Variants in DPP10 observed in about 807,000 individuals in gnomAD.
The protein encoded by DPP10 is inactive dipeptidyl peptidase 10.
DPP10 carries 33 observed loss-of-function variants against 120.9 expected under a neutral mutation model. The ratio of observed to expected loss-of-function variants is 0.27; its 90% confidence interval spans 0.21 to 0.37. The LOEUF (loss-of-function observed/expected upper bound fraction) is 0.37, where lower values mean the gene tolerates loss of function less well. Among genes scored for constraint, DPP10 ranks in the 10% least tolerant of loss-of-function variants. The pLI, the probability that DPP10 is intolerant of heterozygous loss-of-function variation, is 1.00. For missense variants in DPP10, 816 were observed against 942.8 expected (o/e 0.87, Z 1.76); for synonymous variants, 337 against 326.1 (o/e 1.03, Z -0.36).
At position 114,477,463 on chromosome 2, in the gene DPP10, A is replaced by G. The variant is rs568359026; in HGVS notation, c.60+34625A>G. ...TGAAATACTGCATATATATTTATGC[A>G]CACATATACACATACATACACATAT... On this transcript the variant is annotated intron_variant, in intron 1 of 25. Coordinates refer to ENST00000410059, the MANE Select transcript of DPP10 (RefSeq NM_020868.6). Among the ~76,000 whole-genome samples the G allele has an allele frequency of 2.0e-5, 3 of 151,732 alleles. No individual in the cohort carries two copies. The South Asian group carries it at 6.2e-4, about 32-fold the overall frequency.
chr2:115,730,465 G>A (rs773627458), intron 8 of DPP10, among the ~76,000 whole-genome samples: 5 of 152,118 alleles, frequency 3.3e-5, no homozygotes, highest in African/African-American at 4.8e-5. Flanking sequence ...ATTGAACCAC[G>A]TACTGACGTG....
At chr2:115,316,485 G>A (rs2061798763) in intron 2 of DPP10, among the ~76,000 whole-genome samples, 2 of 152,134 alleles carry the variant, frequency 1.3e-5, no homozygotes, top group South Asian at 2.1e-4. Context: ...GAATTCAGCT[G>A]AGGATTGAGG....
intron 1 of DPP10, among the ~76,000 whole-genome samples, chr2:114,624,557 A>G (rs1197760519): frequency 6.6e-6 from 1 of 151,878 alleles, no homozygotes; most frequent in African/African-American, 2.4e-5. Flanking sequence ...ATAAATAATA[A>G]TACTTAATTT....
intron 3 of DPP10, among the ~76,000 whole-genome samples, chr2:115,476,451 A>G (rs2075087826): frequency 6.6e-6 from 1 of 152,168 alleles, no homozygotes. Flanking sequence ...TTCTTTACAA[A>G]TCATCCAGTC....
intron 1 of DPP10, among the ~76,000 whole-genome samples, chr2:114,503,614 C>T (rs893497317): frequency 3.9e-5 from 6 of 152,242 alleles, no homozygotes; most frequent in African/African-American, 1.4e-4. Flanking sequence ...CTCACGGTCC[C>T]AAACAATATG....
At chr2:114,781,721 A>G (rs1447828533) in intron 1 of DPP10, among the ~76,000 whole-genome samples, 3 of 152,026 alleles carry the variant, frequency 2.0e-5, no homozygotes, top group African/African-American at 7.2e-5. Context: ...GAGAAAGACA[A>G]TGATCTTTTT....
chr2:114,698,404 G>C (rs192475062), intron 1 of DPP10, among the ~76,000 whole-genome samples: 4 of 152,072 alleles, frequency 2.6e-5, no homozygotes, highest in African/African-American at 9.7e-5. Context: ...CCTCATGAGA[G>C]ACCACGAGCC....
chr2:114,924,263 C>A (rs573772075), intron 1 of DPP10, among the ~76,000 whole-genome samples: 1 of 152,128 alleles, frequency 6.6e-6, no homozygotes, highest in Admixed American at 6.5e-5. Flanking sequence ...GTCTTGCTCA[C>A]GCCTGTAATC....
intron 1 of DPP10, among the ~76,000 whole-genome samples, chr2:115,102,779 C>G (rs1057432762): frequency 6.7e-6 from 1 of 150,366 alleles, no homozygotes; most frequent in African/African-American, 2.4e-5. Context: ...AAAAAAAACT[C>G]CTTTTTGCAG....
chr2:115,544,811 G>A (rs1461686438), intron 5 of DPP10, among the ~76,000 whole-genome samples: 2 of 152,006 alleles, frequency 1.3e-5, no homozygotes, highest in Non-Finnish European at 2.9e-5. Flanking sequence ...TGGTGGTGGT[G>A]AATTGATTTC....
At chr2:114,795,496 G>GAA (rs397765411) in intron 1 of DPP10, among the ~76,000 whole-genome samples, 1 of 138,914 alleles carries the variant, frequency 7.2e-6, no homozygotes, top group Non-Finnish European at 1.6e-5. Context: ...CATCTCTGGG[G>GAA]AAAAAAAAAA....
At chr2:115,577,667 G>T (rs1343626496) in intron 5 of DPP10, among the ~76,000 whole-genome samples, 2 of 152,054 alleles carry the variant, frequency 1.3e-5, no homozygotes, top group African/African-American at 2.4e-5. Flanking sequence ...TGCCCACAGG[G>T]TTGGTGTCTT....
At chr2:114,968,004 C>T (rs1699154671) in intron 1 of DPP10, among the ~76,000 whole-genome samples, 1 of 151,972 alleles carries the variant, frequency 6.6e-6, no homozygotes, top group South Asian at 2.1e-4. Context: ...AAAATCTCTG[C>T]TCTTACTGCA....
In DPP10 at chr2:114,977,617, C is replaced by G. The variant is rs538906856; in HGVS notation, c.61-331622C>G. The stretch of plus-strand genomic sequence containing the variant: ...AGTCAGCAACCTCCCACACCTGTCC[C>G]CCACCTCAAGAAAGCAATCACTCTG... On this transcript the variant is annotated intron_variant, in intron 1 of 25. Transcript: ENST00000410059. 4.6e-5 allele frequency among the ~76,000 whole-genome samples: 7 copies of G among 152,178 alleles called. No homozygotes were observed. The South Asian group carries it at 1.5e-3, about 32-fold the overall frequency.
rs70941038 is a variant in DPP10 at position 115,277,447 on chromosome 2, C to CTTTTTTTT, written c.61-31768_61-31761dup. Among the ~76,000 whole-genome samples the CTTTTTTTT allele has an allele frequency of 2.6e-4, 13 of 49,776 alleles. No individual in the cohort carries two copies. The South Asian group carries it at 5.9e-3, about 22-fold the overall frequency. 32.7% of individuals were successfully genotyped at this position (49,776 alleles called of 152,430 possible). On this transcript the variant is annotated intron_variant, in intron 1 of 25. Coordinates refer to ENST00000410059, the MANE Select transcript of DPP10 (RefSeq NM_020868.6). Reference sequence around the variant, plus strand: ...AATTATACTTAAGTCCTGCCAGGGCCTTTTTTTTTTTTTTTTTTTTTTTTT... The same window carrying CTTTTTTTT: ...AATTATACTTAAGTCCTGCCAGGGCCTTTTTTTTTTTTTTTTTTTTTTTTTTTTTTTTT...
intron 3 of DPP10, among the ~76,000 whole-genome samples, chr2:115,483,578 C>T (rs1234359700): frequency 6.6e-6 from 1 of 151,998 alleles, no homozygotes; most frequent in Non-Finnish European, 1.5e-5. Flanking sequence ...TCAAATTGCC[C>T]ATGATGTTAG....
intron 17 of DPP10, among the ~76,000 whole-genome samples, chr2:115,788,941 AC>A (rs1470971975): frequency 6.6e-6 from 1 of 152,022 alleles, no homozygotes; most frequent in Non-Finnish European, 1.5e-5. Flanking sequence ...ACACGGTGAA[AC>A]CCTGTCTCTA....
chr2:114,739,666 A>C (rs554403291), intron 1 of DPP10, among the ~76,000 whole-genome samples: 38 of 152,222 alleles, frequency 2.5e-4, no homozygotes, highest in South Asian at 6.2e-4. Context: ...CACACACACA[A>C]AAAAAAGAGA....
chr2:114,730,892 G>GCTTTTTTTTTT (rs1553414069), intron 1 of DPP10, among the ~76,000 whole-genome samples: 2 of 151,088 alleles, frequency 1.3e-5, no homozygotes, highest in African/African-American at 4.9e-5. Flanking sequence ...ACCTGGTCCA[G>GCTTTTTTTTTT]CTTTTTTTTT....
Sources: gnomAD v4.1 joint callset for allele counts (sites outside exome capture counted in the v4.1 genomes callset) on GRCh38, gnomAD v4.1.1 for gene constraint, MANE v1.5 for transcripts, NCBI Gene and HGNC (gene_info 2026-07-23, HGNC 2026-07-21) for gene names.